Variants in DACT3 observed in about 807,000 individuals in gnomAD.
The protein encoded by DACT3 is dapper homolog 3.
A neutral mutation model predicts 19.6 loss-of-function variants in DACT3; 5 were observed. The observed-to-expected ratio is 0.26, with a 90% confidence interval of 0.13 to 0.54. The LOEUF (loss-of-function observed/expected upper bound fraction) is 0.54. Ranked by LOEUF, DACT3 falls within the 20% of genes least tolerant of loss-of-function variation. The pLI is 0.95. For synonymous variants in DACT3, 454 were observed against 428.1 expected, an observed-to-expected ratio of 1.06 and a Z score of -0.75; for missense variants, 908 against 927.4, an observed-to-expected ratio of 0.98 and a Z score of 0.27.
Position 46,652,343 on chromosome 19 carries a change from G to A in DACT3, c.499+317C>T, listed in dbSNP as rs113411553. On this transcript the variant is annotated intron_variant, in intron 3 of 3. Transcript: ENST00000391916. ...CGAGTAGCTGGAATTACAGGTGTTC[G>A]CTACCACGCCCAACTAATTTTTGTA... is the stretch of plus-strand genomic sequence containing the variant. The A allele has an allele frequency of 6.6e-3, 2,602 of 395,450 alleles. 30 individuals are homozygous for A. Among genetic ancestry groups the A allele is most frequent in the African/African-American group, 0.037 (1,791 of 48,806 alleles). The allele number at this position is 395,450 out of a possible 1,614,324, so 24.5% of individuals were successfully genotyped here. A position where few individuals can be genotyped will look rare whatever the true frequency, so the allele number is the denominator to read the frequency against.
At chr19:46,653,203 A>T in intron 1 of DACT3, 128 bp from the exon 2 acceptor site, 1 of 1,363,574 alleles carries the variant, frequency 7.3e-7, no homozygotes, top group South Asian at 1.5e-5. Flanking sequence ...GGATAAAAGC[A>T]GTACCTCAGT....
Position 46,661,151 on chromosome 19 carries a change from C to G in DACT3, c.-87G>C, listed in dbSNP as rs1042507264. The G allele has an allele frequency of 1.2e-5, 15 of 1,284,912 alleles. No individual in the cohort carries two copies. The highest frequency in any genetic ancestry group is 1.3e-5 in the Non-Finnish European group (13 of 1,005,662). The allele number at this position is 1,284,912 out of a possible 1,614,324, so 79.6% of individuals were successfully genotyped here. ...TCCCCGCCCCAGCAGCCTGCCCGCCCGCCCGCTGGCCGGGCTGTCACCGTC... is the reference window on the plus strand; with the variant it reads ...TCCCCGCCCCAGCAGCCTGCCCGCCGGCCCGCTGGCCGGGCTGTCACCGTC... On this transcript the variant is annotated 5_prime_UTR_variant, in exon 1 of 4. Transcript: ENST00000391916.
In DACT3 at chr19:46,661,178, C is replaced by T. The variant is rs2053073986; in HGVS notation, c.-114G>A. 3.4e-6 allele frequency: 4 copies of T among 1,174,834 alleles called. No homozygotes were observed. Among genetic ancestry groups the T allele is most frequent in the African/African-American group, 1.6e-5 (1 of 61,734 alleles). 72.8% of individuals were successfully genotyped at this position (1,174,834 alleles called of 1,614,324 possible). On this transcript the variant is annotated 5_prime_UTR_variant, in exon 1 of 4. The change abolishes an upstream ATG in the 5' untranslated region. Coordinates refer to ENST00000391916, the MANE Select transcript of DACT3 (RefSeq NM_145056.3). The stretch of plus-strand genomic sequence containing the variant: ...CCCGCTGGCCGGGCTGTCACCGTCT[C>T]ATCTGCATAGGCGCCCGCCCATTGG...
Position 46,653,095 on chromosome 19 carries a change from A to T in DACT3, c.250-20T>A. ...GGCCTCCTGAAGGCATAGGGAGAGA[A>T]GGATGGTCAGAAGGCCCCCAGTCCT... On this transcript the variant is annotated intron_variant, in intron 1 of 3. Coordinates refer to ENST00000391916, the MANE Select transcript of DACT3 (RefSeq NM_145056.3). The T allele has an allele frequency of 6.5e-7, 1 of 1,550,350 alleles. No individual in the cohort carries two copies. The highest frequency in any genetic ancestry group is 8.7e-7 in the Non-Finnish European group (1 of 1,146,896).
rs1396349085 is a variant in DACT3, at chr19:46,660,907, C to G, written c.158G>C (p.Gly53Ala). Residue 53 changes from glycine (G) to alanine (A), a missense_variant, in exon 1 of 4, where the codon GGG (glycine) becomes GCG (alanine). Physicochemically the swap from Gly to Ala is moderately conservative, Grantham distance 60. Transcript: ENST00000391916. The surrounding 1 kb of genome is among the most constrained non-coding windows in gnomAD (Gnocchi z 4.9). Reference protein sequence around the residue: ...QALRLAQPGMGGAEAEDEEDA... With the variant: ...QALRLAQPGMAGAEAEDEEDA... ...CTCCTCGTCCTCGGCCTCGGCGCCCCCCATTCCGGGCTGGGCCAGCCGCAG... is the reference window on the plus strand; with the variant it reads ...CTCCTCGTCCTCGGCCTCGGCGCCCGCCATTCCGGGCTGGGCCAGCCGCAG... The G allele has an allele frequency of 2.6e-6, 4 of 1,538,032 alleles. No individual in the cohort carries two copies. The highest frequency in any genetic ancestry group is 1.4e-5 in the African/African-American group (1 of 72,616).
chr19:46,654,497 GGAAAAAA>G lies in DACT3; in HGVS notation c.250-1429_250-1423del, dbSNP rs1258276879. On this transcript the variant is annotated intron_variant, in intron 1 of 3. Coordinates refer to ENST00000391916, the MANE Select transcript of DACT3 (RefSeq NM_145056.3). ...CAAGACTGACAAAAAAAAAAAAAAAGGAAAAAAGAAAAAGAAATTTCCATGAGTCTAC... is the reference window on the plus strand; with the variant it reads ...CAAGACTGACAAAAAAAAAAAAAAAGGAAAAAGAAATTTCCATGAGTCTAC... 3.2e-6 allele frequency: 3 copies of G among 929,846 alleles called. No homozygotes were observed. The African/African-American group carries it at 5.5e-5, about 17-fold the overall frequency. 57.6% of individuals were successfully genotyped at this position (929,846 alleles called of 1,614,324 possible).
At chr19:46,659,663 A>G (rs2122485018) in intron 1 of DACT3, 1 of 153,798 alleles carries the variant, frequency 6.5e-6, no homozygotes, top group Non-Finnish European at 1.4e-5. Context: ...CCCACTCCCC[A>G]TCTGGGGAGG....
At position 46,649,589 on chromosome 19, in the gene DACT3, G is replaced by C. The variant is rs1336785482; in HGVS notation, c.783C>G (p.Arg261=). ...GYISALLRRR[R]RRGAGQPRTS... ...TCCGGGGCTGGCCCGCCCCCCGGCG[G>C]CGGCGCCTGCGCAGGAGCGCCGAGA... Residue 261 remains arginine (R), a synonymous_variant, in exon 4 of 4, where the codon CGC becomes CGG. Transcript: ENST00000391916. The C allele has an allele frequency of 1.5e-5, 17 of 1,101,804 alleles. No individual in the cohort carries two copies. The highest frequency in any genetic ancestry group is 1.8e-5 in the Non-Finnish European group (16 of 901,940). The allele number at this position is 1,101,804 out of a possible 1,614,324, so 68.3% of individuals were successfully genotyped here.
rs2053032922 is a variant in DACT3, at chr19:46,656,149, A to ACT, written c.250-3075_250-3074insAG. ...AGCCTCCACCTCCCAGGTTCAAGTG[A>ACT]TTTTTTTTTTTTGCCTCAGCCTCCC... On this transcript the variant is annotated intron_variant, in intron 1 of 3. Transcript: ENST00000391916. Among the ~76,000 whole-genome samples the ACT allele has an allele frequency of 9.1e-5, 13 of 143,320 alleles. No individual in the cohort carries two copies. The South Asian group carries it at 2.6e-3, about 29-fold the overall frequency. The allele number at this position is 143,320 out of a possible 152,430, so 94.0% of individuals were successfully genotyped here.
Position 46,647,717 on chromosome 19 carries a change from TA to T in DACT3, c.*764del, listed in dbSNP as rs1423207174. The T allele has an allele frequency of 6.6e-6, 1 of 152,348 alleles. No homozygotes were observed. Among genetic ancestry groups the T allele is most frequent in the Non-Finnish European group, 1.5e-5 (1 of 67,982 alleles). The allele number at this position is 152,348 out of a possible 1,614,324, so 9.4% of individuals were successfully genotyped here. A position where few individuals can be genotyped will look rare whatever the true frequency, so the allele number is the denominator to read the frequency against. On this transcript the variant is annotated 3_prime_UTR_variant, in exon 4 of 4. Transcript: ENST00000391916. ...ATCGTCATAATAAATACAGTAATTT[TA>T]AAAAAGAAAAAAAATACTAGATTGG...
rs1414422131 is a variant in DACT3, at chr19:46,649,784, C to T, written c.588G>A (p.Gly196=). 5 of 1,337,062 alleles carry T rather than the reference C, an allele frequency of 3.7e-6. No individual in the cohort carries two copies. The highest frequency in any genetic ancestry group is 1.8e-5 in the South Asian group (1 of 55,020). 82.8% of individuals were successfully genotyped at this position (1,337,062 alleles called of 1,614,324 possible). A position where few individuals can be genotyped will look rare whatever the true frequency, so the allele number is the denominator to read the frequency against. ...AGGAGCAGGCCTCCGGGCCGGCGGA[C>T]CCCCCTGCCGTCGGGTAGGGCGCTG... is the stretch of plus-strand genomic sequence containing the variant. ...SFSAPYPTAG[G]SAGPEACSSA... The change falls in exon 4 of 4, where the codon GGG becomes GGA. Residue 196 remains glycine (G), a synonymous_variant. Coordinates refer to ENST00000391916, the MANE Select transcript of DACT3 (RefSeq NM_145056.3).
Position 46,660,630 on chromosome 19 carries a change from C to T in DACT3, c.249+186G>A, listed in dbSNP as rs1166836093. On this transcript the variant is annotated intron_variant, in intron 1 of 3. Coordinates refer to ENST00000391916, the MANE Select transcript of DACT3 (RefSeq NM_145056.3). This position sits in a 1 kb window ranked among gnomAD's most constrained non-coding sequence, Gnocchi z 4.9. ...GGGGGCGATGCAGTTCCCCCTCCCC[C>T]GATTTGGGGGCGGGGAGGCCAGGTC... Among the ~76,000 whole-genome samples, 2 of 152,124 alleles carry T rather than the reference C, an allele frequency of 1.3e-5. No homozygotes were observed. The highest frequency in any genetic ancestry group is 4.8e-5 in the African/African-American group (2 of 41,444).
intron 1 of DACT3, among the ~76,000 whole-genome samples, chr19:46,656,040 A>AATTTATTTATTTATTT (rs201832570): frequency 4.4e-5 from 6 of 135,832 alleles, no homozygotes; most frequent in African/African-American, 1.7e-4. Context: ...ATATATATGA[A>AATTTATTTATTTATTT]ATTTATTTAT....
rs562929024 is a variant in DACT3, at chr19:46,660,213, A to G, written c.249+603T>C. ...CAGGGGAAGTGTCACCAAAGGGTCA[A>G]GATCCCAGTGGGGGGTCCTCAGGGA... On this transcript the variant is annotated intron_variant, in intron 1 of 3. Transcript: ENST00000391916. This position sits in a 1 kb window ranked among gnomAD's most constrained non-coding sequence, Gnocchi z 4.9. Among the ~76,000 whole-genome samples the G allele has an allele frequency of 5.9e-5, 9 of 152,306 alleles. No homozygotes were observed. Among genetic ancestry groups the G allele is most frequent in the African/African-American group, 1.9e-4 (8 of 41,582 alleles).
Position 46,652,727 on chromosome 19 carries a change from G to T in DACT3, c.432C>A (p.Ser144Arg). ...FCGDSGFSGSSSYGRLGPSEP... is the reference protein window; with the variant it reads ...FCGDSGFSGSRSYGRLGPSEP... The stretch of plus-strand genomic sequence containing the variant: ...CAGAGGGACCCAGGCGACCATAGGA[G>T]CTGGATCCAGAGAAGCCACTGTCCC... Residue 144 changes from serine (S) to arginine (R), a missense_variant, in exon 3 of 4, where the codon AGC becomes AGA. By Grantham distance (110) the Ser-to-Arg change is moderately radical (BLOSUM62 -1). Around this residue, in one of 2 missense-constraint regions of DACT3, gnomAD observed 252 missense variants for 325.6 expected, o/e 0.77. Coordinates refer to ENST00000391916, the MANE Select transcript of DACT3 (RefSeq NM_145056.3). The T allele has an allele frequency of 6.4e-7, 1 of 1,551,612 alleles. No individual in the cohort carries two copies. Among genetic ancestry groups the T allele is most frequent in the Non-Finnish European group, 8.7e-7 (1 of 1,146,988 alleles).
rs952358451 is a variant in DACT3 at position 46,649,677 on chromosome 19, C to A, written c.695G>T (p.Cys232Phe). 4.2e-6 allele frequency: 5 copies of A among 1,177,526 alleles called. No individual in the cohort carries two copies. In the South Asian group the frequency reaches 2.0e-4, roughly 47 times the overall value. 72.9% of individuals were successfully genotyped at this position (1,177,526 alleles called of 1,614,324 possible). The change falls in exon 4 of 4, where the codon TGC (cysteine) becomes TTC (phenylalanine). Residue 232 changes from cysteine (C) to phenylalanine (F), a missense_variant. Coordinates refer to ENST00000391916, the MANE Select transcript of DACT3 (RefSeq NM_145056.3). ...GGGCGAGTCGGTGGGAGGGCGGCCG[C>A]AGGGCCGCGGGCTGCGCATCGCCAC... ...HAVAMRSPRPCGRPPTDSPDA... is the reference protein window; with the variant it reads ...HAVAMRSPRPFGRPPTDSPDA...
rs1355998851 is a variant in DACT3, at chr19:46,648,569, G to A, written c.1803C>T (p.Val601=). ...GAGAPAGPAK[V]FVKIKASHAL... is the part of the protein sequence containing the mutation. ...CGTGGGAAGCTTTGATTTTCACGAA[G>A]ACTTTGGCGGGGCCTGCGGGCGCCC... Residue 601 remains valine, a synonymous_variant, in exon 4 of 4, where the codon GTC becomes GTT. Transcript: ENST00000391916. The surrounding 1 kb of genome is among the most constrained non-coding windows in gnomAD (Gnocchi z 5.1). 3 of 1,613,838 alleles carry A rather than the reference G, an allele frequency of 1.9e-6. No individual in the cohort carries two copies. Among genetic ancestry groups the A allele is most frequent in the African/African-American group, 1.3e-5 (1 of 75,048 alleles).
chr19:46,648,664 T>C lies in DACT3; in HGVS notation c.1708A>G (p.Ser570Gly). The change falls in exon 4 of 4, where the codon AGC (serine) becomes GGC (glycine). Residue 570 changes from serine to glycine, a missense_variant. Transcript: ENST00000391916. The surrounding 1 kb of genome is among the most constrained non-coding windows in gnomAD (Gnocchi z 5.1). ...FSSASSDSDG[S>G]GGLVWPQQLV... Reference sequence around the variant, plus strand: ...TGCTGCGGCCACACGAGGCCACCGCTGCCGTCTGAGTCGCTGGAGGCAGAG... The same window carrying C: ...TGCTGCGGCCACACGAGGCCACCGCCGCCGTCTGAGTCGCTGGAGGCAGAG... 6.2e-7 allele frequency: 1 copy of C among 1,612,334 alleles called. No individual in the cohort carries two copies. The highest frequency in any genetic ancestry group is 2.2e-5 in the East Asian group (1 of 44,836).
chr19:46,649,611 G>A lies in DACT3; in HGVS notation c.761C>T (p.Ser254Leu), dbSNP rs2052960493. 11 of 1,134,210 alleles carry A rather than the reference G, an allele frequency of 9.7e-6. No homozygotes were observed. Among genetic ancestry groups the A allele is most frequent in the Non-Finnish European group, 1.2e-5 (11 of 922,312 alleles). 70.3% of individuals were successfully genotyped at this position (1,134,210 alleles called of 1,614,324 possible). Residue 254 changes from serine (S) to leucine (L), a missense_variant, in exon 4 of 4, where the codon TCG (serine) becomes TTG (leucine). Physicochemically the swap from Ser to Leu is moderately radical, Grantham distance 145. Transcript: ENST00000391916. ...GAGRPLDGYI[S>L]ALLRRRRRRG... Reference sequence around the variant, plus strand: ...GCGGCGGCGCCTGCGCAGGAGCGCCGAGATGTAGCCGTCCAGGGGCCGCCC... The same window carrying A: ...GCGGCGGCGCCTGCGCAGGAGCGCCAAGATGTAGCCGTCCAGGGGCCGCCC...
Sources: allele counts gnomAD v4.1 joint callset (sites outside exome capture counted in the v4.1 genomes callset), GRCh38; gene constraint gnomAD v4.1.1; regional missense constraint gnomAD v4.1.1; non-coding constraint Gnocchi (gnomAD v3.1); transcripts MANE v1.5; gene names NCBI Gene and HGNC (gene_info 2026-07-23, HGNC 2026-07-21).